The following ERBB4 variants were observed in gnomAD, a reference collection of about 807,000 sequenced individuals.
ERBB4 encodes the protein receptor tyrosine-protein kinase erbB-4.
Under a neutral mutation model 158.0 loss-of-function variants are expected in ERBB4, and 42 were observed. The ratio of observed to expected loss-of-function variants is 0.27; its 90% CI spans 0.21 to 0.34. ERBB4 has a LOEUF of 0.34. ERBB4 is among the 10% of genes least tolerant of loss of function. ERBB4 has a pLI of 1.00. For missense variants in ERBB4, 1,333 were observed against 1,624.1 expected, an observed-to-expected ratio of 0.82 and a Z score of 3.08; for synonymous variants, 583 against 558.7, an observed-to-expected ratio of 1.04 and a Z score of -0.61.
chr2:212,283,628 G>A (rs2085844148), intron 1 of ERBB4, among the ~76,000 whole-genome samples: 1 of 151,802 alleles, frequency 6.6e-6, no homozygotes, highest in Non-Finnish European at 1.5e-5. Context: ...TAGTTTAAAT[G>A]CTGAATTTGA....
intron 1 of ERBB4, among the ~76,000 whole-genome samples, chr2:212,528,368 A>G (rs1692565947): frequency 2.0e-5 from 3 of 152,108 alleles, no homozygotes; most frequent in Non-Finnish European, 2.9e-5. Context: ...ATGTAACTGG[A>G]CCAGACTAGT....
At chr2:211,634,797 C>CT in intron 16 of ERBB4, among the ~76,000 whole-genome samples, 1 of 152,148 alleles carries the variant, frequency 6.6e-6, no homozygotes, top group Non-Finnish European at 1.5e-5. Context: ...CCTGCCTCAG[C>CT]TTCTGGAGGA....
intron 18 of ERBB4, among the ~76,000 whole-genome samples, 156 bp from the exon 19 acceptor site, chr2:211,619,431 T>C (rs1401313756): frequency 2.6e-5 from 4 of 152,172 alleles, no homozygotes. Flanking sequence ...TTGTCTGCTT[T>C]CATTATCTGA....
intron 2 of ERBB4, among the ~76,000 whole-genome samples, chr2:212,027,677 T>C (rs1328304414): frequency 3.3e-5 from 5 of 152,020 alleles, no homozygotes; most frequent in Non-Finnish European, 7.4e-5. Context: ...AAACAGAACC[T>C]ACTTTCATGG....
intron 2 of ERBB4, among the ~76,000 whole-genome samples, chr2:212,046,550 T>C (rs1418540734): frequency 1.3e-5 from 2 of 152,256 alleles, no homozygotes; most frequent in Non-Finnish European, 2.9e-5. Flanking sequence ...TACTTAGCAG[T>C]ATTGATGTAT....
intron 3 of ERBB4, among the ~76,000 whole-genome samples, chr2:211,832,484 T>C (rs995769147): frequency 6.6e-6 from 1 of 152,060 alleles, no homozygotes; most frequent in Non-Finnish European, 1.5e-5. Context: ...TAAAATATTT[T>C]AGACATAATG....
At chr2:211,425,778 G>A (rs975750034) in intron 22 of ERBB4, among the ~76,000 whole-genome samples, 2 of 152,024 alleles carry the variant, frequency 1.3e-5, no homozygotes, top group African/African-American at 4.8e-5. Context: ...ACTTCCCCAG[G>A]CTCACATGAT....
intron 1 of ERBB4, among the ~76,000 whole-genome samples, chr2:212,439,964 C>A (rs996432528): frequency 3.3e-5 from 5 of 152,126 alleles, no homozygotes; most frequent in African/African-American, 1.2e-4. Flanking sequence ...AGATATTCAA[C>A]TATCGGAATT....
chr2:212,177,926 G>A (rs2081724900), intron 1 of ERBB4, among the ~76,000 whole-genome samples: 1 of 148,698 alleles, frequency 6.7e-6, no homozygotes, highest in Non-Finnish European at 1.5e-5. Flanking sequence ...AAGTTAAAAA[G>A]GCAAAGAGTG....
chr2:211,708,766 A>G (rs2073556195), intron 9 of ERBB4, among the ~76,000 whole-genome samples: 2 of 152,096 alleles, frequency 1.3e-5, no homozygotes, highest in African/African-American at 4.8e-5. Context: ...AATCACCACA[A>G]TAATCATAGG....
chr2:211,809,379 T>A (rs1008930867), intron 3 of ERBB4, among the ~76,000 whole-genome samples: 11 of 152,244 alleles, frequency 7.2e-5, no homozygotes, highest in African/African-American at 2.7e-4. Context: ...CTGTTATTGG[T>A]CTATTCAGAG....
intron 3 of ERBB4, among the ~76,000 whole-genome samples, chr2:211,788,470 T>A (rs899659920): frequency 6.6e-6 from 1 of 152,130 alleles, no homozygotes; most frequent in African/African-American, 2.4e-5. Flanking sequence ...AATAATATTT[T>A]ATATAATATT....
intron 6 of ERBB4, among the ~76,000 whole-genome samples, chr2:211,724,297 T>A (rs1041735156): frequency 6.6e-6 from 1 of 151,990 alleles, no homozygotes; most frequent in African/African-American, 2.4e-5. Context: ...ACTGTCTATA[T>A]CATAAGAGCT....
At chr2:211,926,724 ATT>A (rs2080030034) in intron 3 of ERBB4, among the ~76,000 whole-genome samples, 1 of 151,944 alleles carries the variant, frequency 6.6e-6, no homozygotes, top group African/African-American at 2.4e-5. Context: ...ATTTTGAAAC[ATT>A]TTCTCCAAAC....
chr2:211,400,575 C>T (rs2063016332), intron 25 of ERBB4, among the ~76,000 whole-genome samples: 1 of 151,520 alleles, frequency 6.6e-6, no homozygotes, highest in Non-Finnish European at 1.5e-5. Flanking sequence ...TAAAAATTAA[C>T]ACAATTGAAA....
intron 3 of ERBB4, among the ~76,000 whole-genome samples, chr2:211,824,083 C>T (rs2077046852): frequency 6.6e-6 from 1 of 151,974 alleles, no homozygotes; most frequent in Non-Finnish European, 1.5e-5. Context: ...TATACTTTTC[C>T]TTATGGCAAG....
chr2:211,573,469 G>T (rs895819852), intron 19 of ERBB4, among the ~76,000 whole-genome samples: 13 of 152,120 alleles, frequency 8.5e-5, no homozygotes, highest in Non-Finnish European at 1.2e-4. Flanking sequence ...AGGAGATCGA[G>T]ACCATCCTGG....
chr2:212,116,358 T>C (rs557788615), intron 2 of ERBB4, among the ~76,000 whole-genome samples: 1 of 152,188 alleles, frequency 6.6e-6, no homozygotes, highest in East Asian at 1.9e-4. Context: ...CAGTTATACA[T>C]CTTTATCATA....
At chr2:212,346,534 T>C (rs2089009477) in intron 1 of ERBB4, among the ~76,000 whole-genome samples, 1 of 152,148 alleles carries the variant, frequency 6.6e-6, no homozygotes, top group South Asian at 2.1e-4. Flanking sequence ...ATGAAATGTT[T>C]TAAATGTTTT....
Sources: gnomAD v4.1 joint callset for allele counts (sites outside exome capture counted in the v4.1 genomes callset) on GRCh38, gnomAD v4.1.1 for gene constraint, MANE v1.5 for transcripts, NCBI Gene and HGNC (gene_info 2026-07-23, HGNC 2026-07-21) for gene names.